GALNT10: variants seen among roughly 807,000 people sequenced by gnomAD.
GALNT10 encodes the protein polypeptide N-acetylgalactosaminyltransferase 10.
Under a neutral mutation model 75.0 loss-of-function variants are expected in GALNT10, and 41 were observed. The observed-to-expected ratio is 0.55, with a 90% CI of 0.43 to 0.71. GALNT10 has a LOEUF of 0.71. Ranked by LOEUF, GALNT10 falls within the 30% of genes least tolerant of loss-of-function variation. The pLI, the probability that GALNT10 is intolerant of heterozygous loss-of-function variation, is 0.00. For missense variants in GALNT10, 727 were observed against 818.5 expected, an observed-to-expected ratio of 0.89 and a Z score of 1.36; for synonymous variants, 302 against 313.0, an observed-to-expected ratio of 0.96 and a Z score of 0.37.
At chr5:154,294,206 G>A (rs6866816) in intron 1 of GALNT10, among the ~76,000 whole-genome samples, 21 of 152,044 alleles carry the variant, frequency 1.4e-4, no homozygotes, top group African/African-American at 4.3e-4. Flanking sequence ...ATGGTAGCAC[G>A]TACCTGTAGT....
intron 3 of GALNT10, among the ~76,000 whole-genome samples, chr5:154,300,619 A>G (rs1041075876): frequency 3.3e-5 from 5 of 152,198 alleles, no homozygotes; most frequent in Admixed American, 6.5e-5. Context: ...TCATCTATTC[A>G]TAGTATATAT....
In GALNT10 at chr5:154,287,994, T is replaced by G. The variant is rs142644360; in HGVS notation, c.160-6822T>G. 4.3e-3 allele frequency among the ~76,000 whole-genome samples: 658 copies of G among 151,308 alleles called. 1 individual carries two copies. Among genetic ancestry groups the G allele is most frequent in the Non-Finnish European group, 7.8e-3 (532 of 67,786 alleles). On this transcript the variant is annotated intron_variant, in intron 1 of 11. Transcript: ENST00000297107. ...AGAGAGAGAAGTTTATTAATCTACT[T>G]GGTAGATAAACAGATGTTTGAAATG...
chr5:154,314,674 C>T (rs1372162688), intron 3 of GALNT10, among the ~76,000 whole-genome samples: 2 of 151,546 alleles, frequency 1.3e-5, no homozygotes, highest in African/African-American at 2.4e-5. Flanking sequence ...AGCTCCATCT[C>T]GTTAAGGGAA....
At chr5:154,351,345 C>T (rs938445370) in intron 4 of GALNT10, among the ~76,000 whole-genome samples, 1 of 152,214 alleles carries the variant, frequency 6.6e-6, no homozygotes, top group African/African-American at 2.4e-5. Flanking sequence ...AGTGTGCAGC[C>T]TTGTGTCCAC....
intron 1 of GALNT10, among the ~76,000 whole-genome samples, chr5:154,293,613 A>ATATTTTTTTTTTTTTTTTTTT: frequency 5.6e-4 from 61 of 109,398 alleles, no homozygotes; most frequent in Non-Finnish European, 9.2e-4. Context: ...ATATATATAT[A>ATATTTTTTTTTTTTTTTTTTT]TTTTTTTTTT....
chr5:154,314,710 A>G (rs1468458550), intron 3 of GALNT10, among the ~76,000 whole-genome samples: 2 of 151,548 alleles, frequency 1.3e-5, no homozygotes, highest in African/African-American at 4.9e-5. Flanking sequence ...TCTGCTTGGC[A>G]AAGGGGGGTA....
At chr5:154,294,118 C>T (rs1254214813) in intron 1 of GALNT10, among the ~76,000 whole-genome samples, 1 of 152,146 alleles carries the variant, frequency 6.6e-6, no homozygotes, top group Non-Finnish European at 1.5e-5. Context: ...GGTGGGAGTA[C>T]AGCTTGAGCC....
intron 1 of GALNT10, among the ~76,000 whole-genome samples, chr5:154,249,806 A>G (rs959519786): frequency 6.6e-6 from 1 of 152,172 alleles, no homozygotes; most frequent in Non-Finnish European, 1.5e-5. Context: ...TGGTCTGAGT[A>G]TTGCCTTTGG....
chr5:154,203,163 T>G lies in GALNT10; in HGVS notation c.159+12138T>G, dbSNP rs557997740. On this transcript the variant is annotated intron_variant, in intron 1 of 11. Transcript: ENST00000297107. Reference sequence around the variant, plus strand: ...CCTCTGTGACTTGTATGGACTCTCTTTCACTTTGGGTGTATGACTCTTTCA... The same window carrying G: ...CCTCTGTGACTTGTATGGACTCTCTGTCACTTTGGGTGTATGACTCTTTCA... 7.5e-4 allele frequency among the ~76,000 whole-genome samples: 115 copies of G among 152,330 alleles called. 1 individual carries two copies. The highest frequency in any genetic ancestry group is 2.5e-3 in the African/African-American group (102 of 41,578).
At position 154,190,784 on chromosome 5, in the gene GALNT10, C is replaced by G. The variant is rs1377017813; in HGVS notation, c.-83C>G. ...CCGCTTCTGCTGGCTGAGCTGCTGC[C>G]GCCGCCGGGCGGACGGGCGGACGCG... On this transcript the variant is annotated 5_prime_UTR_variant, in exon 1 of 12. Transcript: ENST00000297107. The G allele has an allele frequency of 5.3e-6, 2 of 376,874 alleles. No individual in the cohort carries two copies. The highest frequency in any genetic ancestry group is 2.4e-5 in the African/African-American group (1 of 41,852). 23.3% of individuals were successfully genotyped at this position (376,874 alleles called of 1,614,324 possible).
At chr5:154,223,723 C>T (rs1292758592) in intron 1 of GALNT10, among the ~76,000 whole-genome samples, 1 of 151,936 alleles carries the variant, frequency 6.6e-6, no homozygotes, top group East Asian at 1.9e-4. Flanking sequence ...AATTTGACAC[C>T]AGCCTGGCCA....
chr5:154,358,667 GACGGTGCT>G (rs1755334692), intron 4 of GALNT10, among the ~76,000 whole-genome samples: 1 of 152,022 alleles, frequency 6.6e-6, no homozygotes, highest in African/African-American at 2.4e-5. Flanking sequence ...TGCCAGTAAT[GACGGTGCT>G]CCCACTCTCT....
rs890033947 is a variant in GALNT10, at chr5:154,323,745, G to A, written c.402-5827G>A. 2.0e-5 allele frequency among the ~76,000 whole-genome samples: 3 copies of A among 152,300 alleles called. No individual in the cohort carries two copies. The South Asian group carries it at 6.2e-4, about 32-fold the overall frequency. ...CCTCCCTCAGCATCCCTTCCTCCTC[G>A]CAGGCTTGTCTTGAACATTATCTGA... On this transcript the variant is annotated intron_variant, in intron 3 of 11. Transcript: ENST00000297107.
chr5:154,350,158 T>A (rs1439319813), intron 4 of GALNT10, among the ~76,000 whole-genome samples: 1 of 152,038 alleles, frequency 6.6e-6, no homozygotes, highest in Non-Finnish European at 1.5e-5. Context: ...TTTTTTTGTT[T>A]CTTTACTTCT....
intron 3 of GALNT10, among the ~76,000 whole-genome samples, chr5:154,321,708 G>T (rs1754677458): frequency 6.6e-6 from 1 of 152,212 alleles, no homozygotes; most frequent in South Asian, 2.1e-4. Context: ...CATCGCCAGG[G>T]ATCTGGGAGC....
intron 4 of GALNT10, among the ~76,000 whole-genome samples, chr5:154,347,460 C>T (rs1755147087): frequency 1.3e-5 from 2 of 151,714 alleles, no homozygotes; most frequent in Non-Finnish European, 2.9e-5. Flanking sequence ...AACTCCTGGG[C>T]TCAAGCAGTC....
At chr5:154,261,635 C>T (rs2113023896) in intron 1 of GALNT10, among the ~76,000 whole-genome samples, 2 of 152,202 alleles carry the variant, frequency 1.3e-5, no homozygotes, top group Middle Eastern at 3.4e-3. Flanking sequence ...AGGAAGGAAC[C>T]AGAGGTCTCA....
chr5:154,330,947 G>GTGTGTGTGTT (rs1754853495), intron 4 of GALNT10, among the ~76,000 whole-genome samples: 2 of 138,488 alleles, frequency 1.4e-5, no homozygotes, highest in South Asian at 4.7e-4. Flanking sequence ...GTTTGTGTGT[G>GTGTGTGTGTT]TGTAGACATT....
intron 1 of GALNT10, among the ~76,000 whole-genome samples, chr5:154,208,533 C>G (rs1375227232): frequency 6.6e-6 from 1 of 152,180 alleles, no homozygotes; most frequent in Non-Finnish European, 1.5e-5. Context: ...GTACCTACTT[C>G]ACAAGTTAGT....
Sources: gnomAD v4.1 joint callset for allele counts (sites outside exome capture counted in the v4.1 genomes callset) on GRCh38, gnomAD v4.1.1 for gene constraint, MANE v1.5 for transcripts, NCBI Gene and HGNC (gene_info 2026-07-23, HGNC 2026-07-21) for gene names.